Variants in GPLD1 observed in about 807,000 individuals in gnomAD.
GPLD1 encodes phosphatidylinositol-glycan-specific phospholipase D.
Under a neutral mutation model 112.6 loss-of-function variants are expected in GPLD1, and 84 were observed. The observed-to-expected ratio is 0.75, with a 90% CI of 0.63 to 0.89. The LOEUF (loss-of-function observed/expected upper bound fraction) is 0.89, where lower values mean the gene tolerates loss of function less well. Ranked by LOEUF, GPLD1 falls within the 40% of genes least tolerant of loss-of-function variation. GPLD1 has a pLI of 0.00. For synonymous variants in GPLD1, 386 were observed against 403.8 expected (o/e 0.96, Z 0.53); for missense variants, 1,044 against 1,051.5 (o/e 0.99, Z 0.10).
chr6:24,489,677 AC>A, upstream of GPLD1: 2 of 1,154,970 alleles, frequency 1.7e-6, no homozygotes, highest in South Asian at 3.3e-5. Context: ...AATGAAGTCA[AC>A]TGTCCAACTA....
chr6:24,439,133 C>T (rs926705646), intron 20 of GPLD1, among the ~76,000 whole-genome samples: 11 of 152,126 alleles, frequency 7.2e-5, no homozygotes, highest in Non-Finnish European at 1.3e-4. Context: ...CTCCCTGGAG[C>T]GCCCAGGAAT....
chr6:24,444,132 A>C (rs962978735), intron 20 of GPLD1, among the ~76,000 whole-genome samples: 2 of 152,204 alleles, frequency 1.3e-5, no homozygotes, highest in African/African-American at 4.8e-5. Context: ...CAAAAAACTA[A>C]TCAGAAAGGC....
chr6:24,451,625 C>T (rs1216055554), intron 14 of GPLD1, among the ~76,000 whole-genome samples: 4 of 152,180 alleles, frequency 2.6e-5, no homozygotes, highest in African/African-American at 7.2e-5. Flanking sequence ...CATGAGCCAC[C>T]GCGCCCGGCC....
At chr6:24,440,649 A>AACCTGAGATGGGAGGATCACTT (rs1345017963) in intron 20 of GPLD1, among the ~76,000 whole-genome samples, 9 of 149,994 alleles carry the variant, frequency 6.0e-5, no homozygotes, top group African/African-American at 2.2e-4. Context: ...GCTACTTGTG[A>AACCTGAGATGGGAGGATCACTT]ACCTGAGATG....
chr6:24,437,425 G>T (rs902240245), intron 20 of GPLD1, 136 bp from the exon 21 acceptor site: 2 of 737,816 alleles, frequency 2.7e-6, no homozygotes, highest in African/African-American at 3.5e-5. Flanking sequence ...GTCATCTCCG[G>T]CAGTCAGGGA....
intron 13 of GPLD1, among the ~76,000 whole-genome samples, chr6:24,456,216 T>C (rs1266170199): frequency 1.3e-5 from 2 of 151,924 alleles, no homozygotes; most frequent in Middle Eastern, 3.2e-3. Context: ...CTGGTCAACA[T>C]GGTGAAACCT....
intron 7 of GPLD1, among the ~76,000 whole-genome samples, chr6:24,468,045 T>A (rs995117858): frequency 6.6e-6 from 1 of 152,144 alleles, no homozygotes; most frequent in African/African-American, 2.4e-5. Context: ...CAGCTGGGAT[T>A]ACAGGCGTGT....
chr6:24,467,425 T>C (rs1218900339), intron 7 of GPLD1, 151 bp from the exon 8 acceptor site: 3 of 603,510 alleles, frequency 5.0e-6, no homozygotes, highest in Non-Finnish European at 8.8e-6. Flanking sequence ...ATCCTAGCAA[T>C]GACCTCAGGT....
chr6:24,465,230 A>G (rs1295473812), intron 10 of GPLD1, among the ~76,000 whole-genome samples: 4 of 148,818 alleles, frequency 2.7e-5, no homozygotes, highest in African/African-American at 9.9e-5. Context: ...AAAAGAAAAG[A>G]AAAGAAAAAA....
chr6:24,490,760 A>G (rs1561863221), upstream of GPLD1, among the ~76,000 whole-genome samples: 2 of 151,948 alleles, frequency 1.3e-5, no homozygotes, highest in African/African-American at 4.8e-5. Flanking sequence ...TCAAAAAAAA[A>G]AAAAGAAAAG....
chr6:24,485,753 T>C (rs555023088), intron 2 of GPLD1, among the ~76,000 whole-genome samples: 33 of 150,270 alleles, frequency 2.2e-4, no homozygotes, highest in Non-Finnish European at 4.1e-4. Flanking sequence ...CACCACAACC[T>C]CCACCTCCTG....
rs994044596 is a variant in GPLD1 at position 24,426,485 on chromosome 6, G to T, written c.*2547C>A. Among the ~76,000 whole-genome samples, 1 of 139,904 alleles carries T rather than the reference G, an allele frequency of 7.1e-6. No individual in the cohort carries two copies. The highest frequency in any genetic ancestry group is 2.6e-5 in the African/African-American group (1 of 37,808). The allele number at this position is 139,904 out of a possible 152,430, so 91.8% of individuals were successfully genotyped here. A position where few individuals can be genotyped will look rare whatever the true frequency, so the allele number is the denominator to read the frequency against. On this transcript the variant is annotated 3_prime_UTR_variant, in exon 25 of 25. Transcript: ENST00000230036. ...TAAATGTCCTATAAACTTGAAGCTTGCTTCCATTTTTGTGGGTCTTAACCT... is the reference window on the plus strand; with the variant it reads ...TAAATGTCCTATAAACTTGAAGCTTTCTTCCATTTTTGTGGGTCTTAACCT...
intron 7 of GPLD1, among the ~76,000 whole-genome samples, chr6:24,469,865 AAG>A (rs1763739925): frequency 6.6e-6 from 1 of 152,360 alleles, no homozygotes; most frequent in Non-Finnish European, 1.5e-5. Flanking sequence ...AGGTAAAAGA[AAG>A]AAACAATTGA....
chr6:24,489,283 T>C, intron 1 of GPLD1, 132 bp downstream of exon 1: 1 of 658,744 alleles, frequency 1.5e-6, no homozygotes. Flanking sequence ...TTCTCCTCCC[T>C]GCTGTCAGGC....
chr6:24,440,209 A>AC (rs55932932), intron 20 of GPLD1, among the ~76,000 whole-genome samples: 111,738 of 151,986 alleles, frequency 0.74, 42,296 homozygotes, highest in Non-Finnish European at 0.84. Context: ...TAATCCCAGC[A>AC]TTTGGGAGGC....
At chr6:24,443,963 T>C (rs1359081527) in intron 20 of GPLD1, among the ~76,000 whole-genome samples, 2 of 152,182 alleles carry the variant, frequency 1.3e-5, no homozygotes, top group Admixed American at 6.5e-5. Flanking sequence ...CGTGAGCCAC[T>C]GCACCCCGCC....
intron 2 of GPLD1, among the ~76,000 whole-genome samples, chr6:24,482,936 C>A (rs936299606): frequency 1.3e-5 from 2 of 151,860 alleles, no homozygotes; most frequent in African/African-American, 4.8e-5. Context: ...CACAGTGAGA[C>A]CCTATCTCAA....
intron 7 of GPLD1, among the ~76,000 whole-genome samples, chr6:24,469,583 T>A (rs1234653122): frequency 1.9e-5 from 2 of 106,968 alleles, no homozygotes; most frequent in East Asian, 5.7e-4. Flanking sequence ...AACAATGAGA[T>A]CACATGGACA....
At chr6:24,472,288 C>G (rs1215853043) in intron 7 of GPLD1, among the ~76,000 whole-genome samples, 1 of 152,058 alleles carries the variant, frequency 6.6e-6, no homozygotes, top group South Asian at 2.1e-4. Flanking sequence ...TGGACAATAC[C>G]AAGTATTGGA....
Sources: gnomAD v4.1 joint callset for allele counts (sites outside exome capture counted in the v4.1 genomes callset) on GRCh38, gnomAD v4.1.1 for gene constraint, MANE v1.5 for transcripts, NCBI Gene and HGNC (gene_info 2026-07-23, HGNC 2026-07-21) for gene names.